The following ADGRV1 variants were observed in gnomAD, a reference collection of about 807,000 sequenced individuals.
ADGRV1 encodes the protein G-protein coupled receptor 98.
ADGRV1 carries 359 observed loss-of-function variants against 596.2 expected under a neutral mutation model. The observed-to-expected ratio is 0.60, with a 90% CI of 0.55 to 0.66. The LOEUF (loss-of-function observed/expected upper bound fraction) is 0.66, where lower values mean the gene tolerates loss of function less well. Ranked by LOEUF, ADGRV1 falls within the 30% of genes least tolerant of loss-of-function variation. The probability of loss-of-function intolerance (pLI) is 0.00; values close to 1 mark genes in which losing one functional copy is unlikely to be tolerated. For missense variants in ADGRV1, 7,274 were observed against 7,575.6 expected, an observed-to-expected ratio of 0.96 and a Z score of 1.48; for synonymous variants, 2,681 against 2,679.2, an observed-to-expected ratio of 1.00 and a Z score of -0.02.
chr5:91,024,365 G>T (rs527877888), intron 85 of ADGRV1, among the ~76,000 whole-genome samples: 1 of 152,152 alleles, frequency 6.6e-6, no homozygotes, highest in East Asian at 1.9e-4. Flanking sequence ...ATTTTAGTAG[G>T]TTAATAAACC....
intron 83 of ADGRV1, among the ~76,000 whole-genome samples, chr5:90,887,277 C>T (rs1032405430): frequency 6.6e-6 from 1 of 152,096 alleles, no homozygotes; most frequent in Non-Finnish European, 1.5e-5. Flanking sequence ...TGATCCTTGG[C>T]TGTTTGTATC....
intron 10 of ADGRV1, 54 bp from the exon 11 acceptor site, chr5:90,637,671 A>C: frequency 7.9e-7 from 1 of 1,262,060 alleles, no homozygotes; most frequent in Non-Finnish European, 1.1e-6. Flanking sequence ...AAGCTTATAT[A>C]ATTTCTGAAC....
At chr5:90,560,786 G>A (rs1015798729) in intron 1 of ADGRV1, among the ~76,000 whole-genome samples, 1 of 152,080 alleles carries the variant, frequency 6.6e-6, no homozygotes, top group East Asian at 1.9e-4. Flanking sequence ...TGTATTCTCA[G>A]AAAGTGATCA....
chr5:90,885,955 A>T (rs1045133456), intron 83 of ADGRV1, among the ~76,000 whole-genome samples: 1 of 152,050 alleles, frequency 6.6e-6, no homozygotes, highest in African/African-American at 2.4e-5. Flanking sequence ...CAGTATATGG[A>T]AGTGGCTGGA....
chr5:90,627,185 TG>T, intron 6 of ADGRV1, 25 bp from the exon 7 acceptor site: 1 of 1,334,492 alleles, frequency 7.5e-7, no homozygotes, highest in Non-Finnish European at 1.0e-6. Context: ...GTTGATGTTT[TG>T]CCTCTGTTTA....
intron 83 of ADGRV1, among the ~76,000 whole-genome samples, chr5:90,926,118 C>G (rs1399023250): frequency 6.9e-6 from 1 of 145,030 alleles, no homozygotes; most frequent in Non-Finnish European, 1.5e-5. Flanking sequence ...CTCTGCCCGG[C>G]TTTGGTATCA....
At chr5:90,861,530 C>G (rs960737407) in intron 82 of ADGRV1, among the ~76,000 whole-genome samples, 1 of 151,286 alleles carries the variant, frequency 6.6e-6, no homozygotes, top group Non-Finnish European at 1.5e-5. Context: ...AGGATGGTCT[C>G]GATCTCCTGA....
intron 1 of ADGRV1, among the ~76,000 whole-genome samples, chr5:90,607,810 C>T (rs1351646951): frequency 2.0e-5 from 3 of 152,090 alleles, no homozygotes; most frequent in Non-Finnish European, 2.9e-5. Flanking sequence ...TCCATATATT[C>T]AGAGCATCCC....
rs117130064 is a variant in ADGRV1 at position 91,045,233 on chromosome 5, C to A, written c.18153-27214C>A. On this transcript the variant is annotated intron_variant, in intron 85 of 89. Transcript: ENST00000405460. ...TACCAAGACCAGGAAAGGACATAAC[C>A]AAAAAAGAAGACTACGGACCAATAT... Among the ~76,000 whole-genome samples, 6 of 152,024 alleles carry A rather than the reference C, an allele frequency of 3.9e-5. No homozygotes were observed. The East Asian group carries it at 1.2e-3, about 29-fold the overall frequency.
intron 89 of ADGRV1, among the ~76,000 whole-genome samples, chr5:91,156,580 A>G (rs1244367297): frequency 1.5e-4 from 23 of 152,192 alleles, no homozygotes; most frequent in Non-Finnish European, 3.1e-4. Flanking sequence ...TTAGATCTAT[A>G]TTACATTACA....
At chr5:90,833,076 G>T (rs1018154578) in intron 77 of ADGRV1, among the ~76,000 whole-genome samples, 3 of 151,954 alleles carry the variant, frequency 2.0e-5, no homozygotes, top group African/African-American at 7.3e-5. Context: ...GATAGCTTTG[G>T]CTATTCTGAG....
intron 1 of ADGRV1, among the ~76,000 whole-genome samples, chr5:90,572,964 A>G (rs746203770): frequency 4.6e-5 from 7 of 152,142 alleles, no homozygotes; most frequent in Non-Finnish European, 8.8e-5. Flanking sequence ...ATTCTTCTGT[A>G]TATTTTGTTA....
intron 50 of ADGRV1, among the ~76,000 whole-genome samples, chr5:90,738,959 T>A (rs1753604681): frequency 6.6e-6 from 1 of 152,150 alleles, no homozygotes; most frequent in Non-Finnish European, 1.5e-5. Flanking sequence ...GTCACATAAT[T>A]CCTATAGACC....
chr5:90,948,543 T>C (rs1776790322), intron 83 of ADGRV1, among the ~76,000 whole-genome samples: 1 of 152,088 alleles, frequency 6.6e-6, no homozygotes, highest in African/African-American at 2.4e-5. Flanking sequence ...ACTTTATTCC[T>C]AGGTAAATAC....
In ADGRV1 at chr5:90,651,731, G is replaced by A; in HGVS notation, c.3416+1G>A. On this transcript the variant is annotated splice_donor_variant, in intron 18 of 89. Coordinates refer to ENST00000405460, the MANE Select transcript of ADGRV1 (RefSeq NM_032119.4). LOFTEE classifies it high-confidence loss of function. ...AAGAAGGAAAGACTAATGCATTTTGGTAAGCATATGTAGATAAGGCAAGTT... is the reference window on the plus strand; with the variant it reads ...AAGAAGGAAAGACTAATGCATTTTGATAAGCATATGTAGATAAGGCAAGTT... 6.3e-7 allele frequency: 1 copy of A among 1,596,280 alleles called. No homozygotes were observed. The highest frequency in any genetic ancestry group is 2.2e-5 in the East Asian group (1 of 44,640).
chr5:91,037,820 A>G (rs1201400464), intron 85 of ADGRV1, among the ~76,000 whole-genome samples: 2 of 152,186 alleles, frequency 1.3e-5, no homozygotes, highest in African/African-American at 4.8e-5. Context: ...AAACCCAAAT[A>G]CTACAAAATC....
At chr5:90,623,135 AATTAAAAT>A (rs2152066590) in intron 5 of ADGRV1, among the ~76,000 whole-genome samples, 1 of 152,362 alleles carries the variant, frequency 6.6e-6, no homozygotes, top group African/African-American at 2.4e-5. Flanking sequence ...GACACAATAC[AATTAAAAT>A]AAAGATGAAT....
At chr5:90,928,443 A>G (rs1774767667) in intron 83 of ADGRV1, among the ~76,000 whole-genome samples, 1 of 150,516 alleles carries the variant, frequency 6.6e-6, no homozygotes, top group African/African-American at 2.5e-5. Flanking sequence ...AGGCTTCTGC[A>G]TTCTTCACGT....
chr5:90,653,796 A>G lies in ADGRV1; in HGVS notation c.4222A>G (p.Thr1408Ala), dbSNP rs777761619. 2 of 1,613,400 alleles carry G rather than the reference A, an allele frequency of 1.2e-6. No homozygotes were observed. Among genetic ancestry groups the G allele is most frequent in the African/African-American group, 1.3e-5 (1 of 74,938 alleles). ...TTATAAAACCTTGGGTTCCAATGCT[A>G]CATACATTGCCAAGACAACAGTCAT... ...LHYKTLGSNA[T>A]YIAKTTVMKY... The change falls in exon 20 of 90, where the codon ACA becomes GCA. Residue 1408 changes from threonine to alanine, a missense_variant. Around this residue, in one of 5 missense-constraint regions of ADGRV1, gnomAD observed 1,715 missense variants for 1,708.8 expected, o/e 1.00. Coordinates refer to ENST00000405460, the MANE Select transcript of ADGRV1 (RefSeq NM_032119.4).
Sources: allele counts gnomAD v4.1 joint callset (sites outside exome capture counted in the v4.1 genomes callset), GRCh38; gene constraint gnomAD v4.1.1; regional missense constraint gnomAD v4.1.1; transcripts MANE v1.5; gene names NCBI Gene and HGNC (gene_info 2026-07-23, HGNC 2026-07-21).